The following ALYREF variants were observed in gnomAD, a reference collection of about 807,000 sequenced individuals.
ALYREF encodes THO complex subunit 4.
A neutral mutation model predicts 25.2 loss-of-function variants in ALYREF; 1 was observed. The observed-to-expected ratio is 0.04, with a 90% CI of 0.01 to 0.19. The LOEUF is 0.19. Among genes scored for constraint, ALYREF ranks in the 10% least tolerant of loss-of-function variants. The pLI, the probability that ALYREF is intolerant of heterozygous loss-of-function variation, is 1.00. For synonymous variants in ALYREF, 193 were observed against 153.5 expected (o/e 1.26, Z -1.90); for missense variants, 328 against 375.6 (o/e 0.87, Z 1.05).
chr17:81,890,154 A>G (rs1049565286), intron 2 of ALYREF, among the ~76,000 whole-genome samples: 14 of 152,118 alleles, frequency 9.2e-5, no homozygotes, highest in African/African-American at 2.7e-4. Flanking sequence ...TTTTTTTAAA[A>G]AAGAAAAGCT....
At chr17:81,890,403 C>A (rs2039496923) in intron 2 of ALYREF, among the ~76,000 whole-genome samples, 1 of 152,226 alleles carries the variant, frequency 6.6e-6, no homozygotes, top group Admixed American at 6.5e-5. Context: ...AAACCACTCA[C>A]ATTTGGTCAG....
chr17:81,889,593 G>A (rs894411226), intron 2 of ALYREF, among the ~76,000 whole-genome samples: 3 of 152,200 alleles, frequency 2.0e-5, no homozygotes, highest in East Asian at 1.9e-4. Context: ...CACTAGCAAC[G>A]GGCACAAAAT....
rs1211546189 is a variant in ALYREF, at chr17:81,889,332, G to A, written c.391-3C>T. The A allele has an allele frequency of 5.0e-6, 8 of 1,613,470 alleles. No homozygotes were observed. Among genetic ancestry groups the A allele is most frequent in the African/African-American group, 4.0e-5 (3 of 74,938 alleles). On this transcript the variant is annotated splice_region_variant and splice_polypyrimidine_tract_variant and intron_variant, in intron 2 of 5. Coordinates refer to ENST00000505490, the MANE Select transcript of ALYREF (RefSeq NM_005782.4). Reference sequence around the variant, plus strand: ...GTTCCAAATTCAGCAAAGAGTTCCTGGGAGTTGCAGAGAGCAGTTGTCAGA... The same window carrying A: ...GTTCCAAATTCAGCAAAGAGTTCCTAGGAGTTGCAGAGAGCAGTTGTCAGA...
chr17:81,889,620 T>C (rs1191929342), intron 2 of ALYREF, among the ~76,000 whole-genome samples: 1 of 152,164 alleles, frequency 6.6e-6, no homozygotes, highest in Non-Finnish European at 1.5e-5. Flanking sequence ...ACTATCCTCT[T>C]CAACAAAGGA....
At chr17:81,891,269 C>A in intron 1 of ALYREF, 54 bp downstream of exon 1, 1 of 1,100,114 alleles carries the variant, frequency 9.1e-7, no homozygotes, top group Non-Finnish European at 1.1e-6. Flanking sequence ...GGCCCCGGCC[C>A]CAGCCCCGGC....
chr17:81,891,110 G>A (rs2039516238), intron 1 of ALYREF: 3 of 655,158 alleles, frequency 4.6e-6, no homozygotes, highest in African/African-American at 1.9e-5. Flanking sequence ...CAAAGAGCTG[G>A]GAAGGGTCTC....
Position 81,888,343 on chromosome 17 carries a change from G to A in ALYREF, c.678C>T (p.Thr226=), listed in dbSNP as rs1598290169. Residue 226 remains threonine (T), a synonymous_variant, in exon 5 of 6, where the codon ACC becomes ACT. Coordinates refer to ENST00000505490, the MANE Select transcript of ALYREF (RefSeq NM_005782.4). This position sits in a 1 kb window ranked among gnomAD's most constrained non-coding sequence, Gnocchi z 5.8. ...FGGGGGTRRG[T]RGGARGRGRG... Reference sequence around the variant, plus strand: ...TGCCTCTTCCACGGGCGCCTCCGCGGGTGCCTCTCCGGGTGCCTCCACCAC... The same window carrying A: ...TGCCTCTTCCACGGGCGCCTCCGCGAGTGCCTCTCCGGGTGCCTCCACCAC... 1 of 1,604,476 alleles carries A rather than the reference G, an allele frequency of 6.2e-7. No homozygotes were observed. The highest frequency in any genetic ancestry group is 8.5e-7 in the Non-Finnish European group (1 of 1,178,414).
rs368096431 is a variant in ALYREF, at chr17:81,888,168, G to A, written c.781-23C>T. On this transcript the variant is annotated intron_variant, in intron 5 of 5. Transcript: ENST00000505490. This position sits in a 1 kb window ranked among gnomAD's most constrained non-coding sequence, Gnocchi z 5.8. ...CATCTGAAACACAGAGGAGAAAGAGGCTTGCATTCACAGGCGGCCTGCTCC... is the reference window on the plus strand; with the variant it reads ...CATCTGAAACACAGAGGAGAAAGAGACTTGCATTCACAGGCGGCCTGCTCC... The A allele has an allele frequency of 8.9e-5, 144 of 1,613,974 alleles. No homozygotes were observed. The highest frequency in any genetic ancestry group is 1.1e-4 in the Non-Finnish European group (134 of 1,180,032).
At chr17:81,890,532 G>A (rs540286166) in intron 2 of ALYREF, among the ~76,000 whole-genome samples, 157 bp downstream of exon 2, 1 of 152,216 alleles carries the variant, frequency 6.6e-6, no homozygotes, top group East Asian at 1.9e-4. Context: ...CCTGCGCACT[G>A]ACCCCGGCTT....
At chr17:81,890,645 C>T in intron 2 of ALYREF, 44 bp downstream of exon 2, 3 of 1,605,862 alleles carry the variant, frequency 1.9e-6, no homozygotes, top group Non-Finnish European at 2.5e-6. Context: ...CACGATCCGT[C>T]CTGTGCAGGG....
Position 81,888,022 on chromosome 17 carries a change from TAAAAG to T in ALYREF, c.*104_*108del. Reference sequence around the variant, plus strand: ...AGTTTTTAAATCCTATTTTAAAACATAAAAGAAACAAATCCATCATTGGCCGCACA... The same window carrying T: ...AGTTTTTAAATCCTATTTTAAAACATAAACAAATCCATCATTGGCCGCACA... On this transcript the variant is annotated 3_prime_UTR_variant, in exon 6 of 6. Coordinates refer to ENST00000505490, the MANE Select transcript of ALYREF (RefSeq NM_005782.4). The surrounding 1 kb of genome is among the most constrained non-coding windows in gnomAD (Gnocchi z 5.8). 6 of 1,247,282 alleles carry T rather than the reference TAAAAG, an allele frequency of 4.8e-6. No individual in the cohort carries two copies. The highest frequency in any genetic ancestry group is 2.5e-5 in the East Asian group (1 of 39,426). The allele number at this position is 1,247,282 out of a possible 1,614,324, so 77.3% of individuals were successfully genotyped here.
chr17:81,891,111 G>A (rs2039516309), intron 1 of ALYREF: 2 of 656,586 alleles, frequency 3.0e-6, no homozygotes, highest in Middle Eastern at 4.5e-4. Flanking sequence ...AAAGAGCTGG[G>A]AAGGGTCTCA....
chr17:81,890,661 G>A (rs750160355), intron 2 of ALYREF, 28 bp downstream of exon 2: 64 of 1,608,524 alleles, frequency 4.0e-5, no homozygotes, highest in Admixed American at 6.7e-5. Flanking sequence ...CAGGGCGAAC[G>A]GCTCACCGAG....
intron 3 of ALYREF, 144 bp downstream of exon 3, chr17:81,889,036 TGA>T (rs2039467810): frequency 6.8e-7 from 1 of 1,461,576 alleles, no homozygotes. Flanking sequence ...TGGGGCAGCA[TGA>T]GAGGTGGCAG....
chr17:81,890,531 T>C (rs992772899), intron 2 of ALYREF, among the ~76,000 whole-genome samples, 158 bp downstream of exon 2: 1 of 152,200 alleles, frequency 6.6e-6, no homozygotes, highest in Admixed American at 6.5e-5. Context: ...GCCTGCGCAC[T>C]GACCCCGGCT....
At chr17:81,891,156 C>T (rs1713457205) in intron 1 of ALYREF, among the ~76,000 whole-genome samples, 167 bp downstream of exon 1, 1 of 149,474 alleles carries the variant, frequency 6.7e-6, no homozygotes, top group African/African-American at 2.5e-5. Context: ...AACGACCTCG[C>T]TCCCGCCCAC....
chr17:81,891,402 C>G lies in ALYREF; in HGVS notation c.179G>C (p.Gly60Ala). 1.9e-6 allele frequency: 2 copies of G among 1,068,978 alleles called. No individual in the cohort carries two copies. The highest frequency in any genetic ancestry group is 2.3e-6 in the Non-Finnish European group (2 of 886,026). 66.2% of individuals were successfully genotyped at this position (1,068,978 alleles called of 1,614,324 possible). ...GATGGCCGGCCGGTTCCGGATGGGC[C>G]CGCCGCCTCGATTCACTCGCGCGGC... The part of the protein sequence containing the change: ...QAAARVNRGG[G>A]PIRNRPAIAR... The change falls in exon 1 of 6, where the codon GGG becomes GCG. Residue 60 changes from glycine (G) to alanine (A), a missense_variant. Gly to Ala is a moderately conservative substitution (Grantham distance 60). Coordinates refer to ENST00000505490, the MANE Select transcript of ALYREF (RefSeq NM_005782.4).
Position 81,888,049 on chromosome 17 carries a change from C to T in ALYREF, c.*82G>A. The stretch of plus-strand genomic sequence containing the variant: ...AAAGAAACAAATCCATCATTGGCCG[C>T]ACAGCCCCAGCCACCGCCCCCCAAC... On this transcript the variant is annotated 3_prime_UTR_variant, in exon 6 of 6. Transcript: ENST00000505490. This position sits in a 1 kb window ranked among gnomAD's most constrained non-coding sequence, Gnocchi z 5.8. The T allele has an allele frequency of 6.4e-7, 1 of 1,557,724 alleles. No individual in the cohort carries two copies. The highest frequency in any genetic ancestry group is 1.4e-5 in the African/African-American group (1 of 73,194).
In ALYREF at chr17:81,890,822, T is replaced by TG. The variant is rs766332043; in HGVS notation, c.259-3dup. 1.9e-5 allele frequency: 30 copies of TG among 1,613,198 alleles called. 1 individual carries two copies. In the African/African-American group the frequency reaches 3.2e-4, roughly 17 times the overall value. ...CCACTTGTCGGGAAGTTGTTTTGGC[T>TG]GAAAAAAAAACCGCAACAAGAGCAG... On this transcript the variant is annotated splice_region_variant and splice_polypyrimidine_tract_variant and intron_variant, in intron 1 of 5. Transcript: ENST00000505490.
Sources: allele counts gnomAD v4.1 joint callset (sites outside exome capture counted in the v4.1 genomes callset), GRCh38; gene constraint gnomAD v4.1.1; non-coding constraint Gnocchi (gnomAD v3.1); transcripts MANE v1.5; gene names NCBI Gene and HGNC (gene_info 2026-07-23, HGNC 2026-07-21).